The following ZNF578 variants were observed in gnomAD, a reference collection of about 807,000 sequenced individuals.
The protein encoded by ZNF578 is Putative chemokine-related protein B42.
In ZNF578, 8 loss-of-function variants were observed where a neutral mutation model predicts 8.3. The observed-to-expected ratio is 0.96, with a 90% CI of 0.56 to 1.74. The LOEUF is 1.74. ZNF578 is among the 40% of genes most tolerant of loss of function. The pLI, the probability that ZNF578 is intolerant of heterozygous loss-of-function variation, is 0.00. For synonymous variants in ZNF578, 206 were observed against 232.2 expected (o/e 0.89, Z 1.03); for missense variants, 726 against 707.5 (o/e 1.03, Z -0.30).
At chr19:52,478,103 C>G (rs1288517035) in intron 2 of ZNF578, among the ~76,000 whole-genome samples, 2 of 152,206 alleles carry the variant, frequency 1.3e-5, no homozygotes, top group East Asian at 1.9e-4. Flanking sequence ...TTCTGTCTAG[C>G]TTGGTCTGCA....
At chr19:52,508,326 A>G (rs549493165) in intron 5 of ZNF578, among the ~76,000 whole-genome samples, 22 of 151,842 alleles carry the variant, frequency 1.4e-4, no homozygotes, top group Admixed American at 7.9e-4. Flanking sequence ...CCTGGGTGAC[A>G]GAGCAAGACT....
intron 2 of ZNF578, among the ~76,000 whole-genome samples, chr19:52,478,239 A>C (rs2059314284): frequency 6.6e-6 from 1 of 152,266 alleles, no homozygotes; most frequent in Admixed American, 6.5e-5. Flanking sequence ...GCAATCCTAA[A>C]GTGAATGGGC....
chr19:52,465,735 C>T (rs2059272878), intron 2 of ZNF578, among the ~76,000 whole-genome samples: 1 of 152,214 alleles, frequency 6.6e-6, no homozygotes, highest in Admixed American at 6.5e-5. Context: ...CTGTAGCAAG[C>T]TCAAATACGT....
intron 2 of ZNF578, among the ~76,000 whole-genome samples, chr19:52,460,447 C>T (rs1224956339): frequency 6.6e-6 from 1 of 152,016 alleles, no homozygotes; most frequent in Non-Finnish European, 1.5e-5. Context: ...ATATTGTCAT[C>T]TTCTTTAGAA....
In ZNF578 at chr19:52,513,693, GC is replaced by G. The variant is rs1480411529; in HGVS notation, c.*1540del. Among the ~76,000 whole-genome samples the G allele has an allele frequency of 1.4e-5, 2 of 145,790 alleles. No individual in the cohort carries two copies. The highest frequency in any genetic ancestry group is 3.0e-5 in the Non-Finnish European group (2 of 67,426). The stretch of plus-strand genomic sequence containing the variant: ...TGCAGGGAGCCGAGATCGTGCCACT[GC>G]ACTCCAGGCTGGGCGACAGAGTGAG... On this transcript the variant is annotated 3_prime_UTR_variant, in exon 6 of 6. Coordinates refer to ENST00000421239, the MANE Select transcript of ZNF578 (RefSeq NM_001099694.2).
chr19:52,485,520 A>G (rs2059342469), intron 2 of ZNF578, among the ~76,000 whole-genome samples: 1 of 152,154 alleles, frequency 6.6e-6, no homozygotes, highest in African/African-American at 2.4e-5. Flanking sequence ...TGATCCACAG[A>G]GAGTTGAGGG....
intron 2 of ZNF578, among the ~76,000 whole-genome samples, chr19:52,484,138 G>A (rs1189607359): frequency 6.6e-6 from 1 of 152,166 alleles, no homozygotes; most frequent in Non-Finnish European, 1.5e-5. Context: ...TCATAAACAA[G>A]GTAAAGGAAA....
intron 2 of ZNF578, chr19:52,474,964 C>G (rs965416795): frequency 5.0e-6 from 1 of 200,640 alleles, no homozygotes; most frequent in Non-Finnish European, 1.1e-5. Flanking sequence ...TTGCCACATT[C>G]CATACATTTG....
chr19:52,459,770 T>TATATATATATATATA (rs1491453615), intron 2 of ZNF578, among the ~76,000 whole-genome samples: 1 of 7,296 alleles, frequency 1.4e-4, no homozygotes, highest in African/African-American at 2.5e-4. Flanking sequence ...TATATATATA[T>TATATATATATATATA]TTTTTTTTTT....
intron 5 of ZNF578, among the ~76,000 whole-genome samples, 165 bp from the exon 6 acceptor site, chr19:52,510,407 G>T (rs2059440258): frequency 6.6e-6 from 1 of 152,110 alleles, no homozygotes; most frequent in African/African-American, 2.4e-5. Flanking sequence ...ACATGTAATT[G>T]TCTGTTATTT....
rs1156989444 is a variant in ZNF578, at chr19:52,511,652, A to G, written c.1271A>G (p.Glu424Gly). The change falls in exon 6 of 6, where the codon GAG becomes GGG. Residue 424 changes from glutamate to glycine, a missense_variant. Coordinates refer to ENST00000421239, the MANE Select transcript of ZNF578 (RefSeq NM_001099694.2). Reference sequence around the variant, plus strand: ...CGTCATCATAGACTTCATACTGGAGAGAAACCTTACAAGTGTAATGACTGT... The same window carrying G: ...CGTCATCATAGACTTCATACTGGAGGGAAACCTTACAAGTGTAATGACTGT... ...LSRHHRLHTG[E>G]KPYKCNDCGK... 6.2e-7 allele frequency: 1 copy of G among 1,614,100 alleles called. No homozygotes were observed. The highest frequency in any genetic ancestry group is 8.5e-7 in the Non-Finnish European group (1 of 1,179,978).
chr19:52,501,558 C>G (rs1209499509), intron 3 of ZNF578, among the ~76,000 whole-genome samples: 2 of 152,122 alleles, frequency 1.3e-5, no homozygotes, highest in African/African-American at 4.8e-5. Context: ...GGTCTGTGCC[C>G]TGAAGGAGAG....
At chr19:52,486,043 C>G (rs1250458355) in intron 2 of ZNF578, among the ~76,000 whole-genome samples, 5 of 152,204 alleles carry the variant, frequency 3.3e-5, no homozygotes, top group Non-Finnish European at 5.9e-5. Context: ...CTGCTCATCC[C>G]TGGGCAATGG....
intron 2 of ZNF578, among the ~76,000 whole-genome samples, chr19:52,469,851 C>T (rs1041097581): frequency 8.5e-5 from 13 of 152,152 alleles, no homozygotes; most frequent in African/African-American, 2.4e-4. Flanking sequence ...ACCCTGGGTG[C>T]GACTGTTTTG....
At chr19:52,464,447 C>A (rs575813462) in intron 2 of ZNF578, among the ~76,000 whole-genome samples, 7 of 152,198 alleles carry the variant, frequency 4.6e-5, no homozygotes, top group African/African-American at 1.7e-4. Context: ...TTTTGAAAAT[C>A]ATTTCAAAAT....
At chr19:52,471,343 A>C (rs887675901) in intron 2 of ZNF578, among the ~76,000 whole-genome samples, 1 of 152,172 alleles carries the variant, frequency 6.6e-6, no homozygotes, top group Non-Finnish European at 1.5e-5. Flanking sequence ...CAGAGAGCCT[A>C]TTGTGGAACT....
In ZNF578 at chr19:52,514,819, C is replaced by T. The variant is rs1037195949; in HGVS notation, c.*2665C>T. On this transcript the variant is annotated 3_prime_UTR_variant, in exon 6 of 6. Coordinates refer to ENST00000421239, the MANE Select transcript of ZNF578 (RefSeq NM_001099694.2). ...CTGGAATTACAGGCACCCACCAGCACACCCAGCTAGTTTTTGTATTTTTAG... is the reference window on the plus strand; with the variant it reads ...CTGGAATTACAGGCACCCACCAGCATACCCAGCTAGTTTTTGTATTTTTAG... Among the ~76,000 whole-genome samples, 14 of 152,072 alleles carry T rather than the reference C, an allele frequency of 9.2e-5. No individual in the cohort carries two copies. The highest frequency in any genetic ancestry group is 1.8e-4 in the Non-Finnish European group (12 of 68,016).
chr19:52,485,639 C>T (rs1193032512), intron 2 of ZNF578, among the ~76,000 whole-genome samples: 3 of 152,176 alleles, frequency 2.0e-5, no homozygotes, highest in Middle Eastern at 3.2e-3. Context: ...AATTCTTCTG[C>T]CTTGAGATGC....
chr19:52,467,433 A>G (rs1599884272), intron 2 of ZNF578, among the ~76,000 whole-genome samples: 1 of 152,060 alleles, frequency 6.6e-6, no homozygotes, highest in East Asian at 1.9e-4. Flanking sequence ...CACTATCTCA[A>G]AAAAAATAAA....
Sources: allele counts gnomAD v4.1 joint callset (sites outside exome capture counted in the v4.1 genomes callset), GRCh38; gene constraint gnomAD v4.1.1; transcripts MANE v1.5; gene names NCBI Gene and HGNC (gene_info 2026-07-23, HGNC 2026-07-21).